DDAH1: variants seen among roughly 807,000 people sequenced by gnomAD.
DDAH1 encodes the protein dimethylarginine dimethylaminohydrolase 1, also known as N(G),N(G)-dimethylarginine dimethylaminohydrolase 1.
A neutral mutation model predicts 28.8 loss-of-function variants in DDAH1; 19 were observed. The observed-to-expected ratio is 0.66, with a 90% confidence interval of 0.46 to 0.97. The LOEUF (loss-of-function observed/expected upper bound fraction) is 0.97. Ranked by LOEUF, DDAH1 falls within the 50% of genes least tolerant of loss-of-function variation. DDAH1 has a pLI of 0.00. For synonymous variants in DDAH1, 153 were observed against 154.4 expected (o/e 0.99, Z 0.07); for missense variants, 326 against 375.9 (o/e 0.87, Z 1.10).
At chr1:85,451,204 G>C (rs1249520768) in intron 1 of DDAH1, among the ~76,000 whole-genome samples, 1 of 152,218 alleles carries the variant, frequency 6.6e-6, no homozygotes, top group Non-Finnish European at 1.5e-5. Flanking sequence ...CAGAATCTCA[G>C]TCTGGGCAGG....
At chr1:85,564,861 C>CA (rs201212308) in intron 1 of DDAH1, among the ~76,000 whole-genome samples, 17,989 of 127,680 alleles carry the variant, frequency 0.14, 1,322 homozygotes, top group East Asian at 0.32. Flanking sequence ...AAGACTATGT[C>CA]AAAAAAAAAA....
chr1:85,483,371 C>G (rs1212351094), intron 2 of DDAH1, among the ~76,000 whole-genome samples: 1 of 152,136 alleles, frequency 6.6e-6, no homozygotes, highest in Non-Finnish European at 1.5e-5. Flanking sequence ...CTACCCTAAA[C>G]TTCTGCCCTC....
At chr1:85,356,716 A>G (rs997498451) in intron 2 of DDAH1, among the ~76,000 whole-genome samples, 1 of 152,210 alleles carries the variant, frequency 6.6e-6, no homozygotes, top group African/African-American at 2.4e-5. Flanking sequence ...AGTATTGAAT[A>G]TAACAAATAA....
intron 1 of DDAH1, among the ~76,000 whole-genome samples, chr1:85,542,217 T>A (rs1027773293): frequency 1.3e-5 from 2 of 152,190 alleles, no homozygotes; most frequent in Non-Finnish European, 1.5e-5. Context: ...GGAATGCCTA[T>A]AAGAAGCTGG....
chr1:85,522,633 C>G (rs1257005930), intron 1 of DDAH1, among the ~76,000 whole-genome samples: 2 of 151,838 alleles, frequency 1.3e-5, no homozygotes, highest in African/African-American at 4.9e-5. Flanking sequence ...CATTTTTTTT[C>G]CAGCCACACA....
At chr1:85,382,402 G>A (rs1651039953) in intron 1 of DDAH1, among the ~76,000 whole-genome samples, 1 of 152,150 alleles carries the variant, frequency 6.6e-6, no homozygotes, top group Non-Finnish European at 1.5e-5. Context: ...TTTAAAGGTA[G>A]CAGAGGCTGG....
chr1:85,491,994 C>A (rs924746855), intron 2 of DDAH1, among the ~76,000 whole-genome samples: 3 of 152,174 alleles, frequency 2.0e-5, no homozygotes, highest in Non-Finnish European at 4.4e-5. Flanking sequence ...ATTTCAGGTG[C>A]TGGTCTAACA....
intron 1 of DDAH1, among the ~76,000 whole-genome samples, chr1:85,539,950 A>G (rs560340190): frequency 8.4e-4 from 127 of 151,876 alleles, no homozygotes; most frequent in Admixed American, 1.3e-3. Context: ...TTCTCCAAAA[A>G]GCTTATAAAG....
chr1:85,464,890 G>A lies in DDAH1; in HGVS notation c.156C>T (p.Gly52=). The A allele has an allele frequency of 6.3e-7, 1 of 1,576,538 alleles. No homozygotes were observed. Among genetic ancestry groups the A allele is most frequent in the East Asian group, 2.4e-5 (1 of 41,942 alleles). ...RAERQHQLYV[G]VLGSKLGLQV... The stretch of plus-strand genomic sequence containing the variant: ...GCAGCCCCAGCTTGCTGCCCAGCAC[G>A]CCCACGTAGAGCTGGTGCTGCCGTT... The change falls in exon 1 of 6, where the codon GGC becomes GGT. Residue 52 remains glycine (G), a synonymous_variant. Transcript: ENST00000284031. This position sits in a 1 kb window ranked among gnomAD's most constrained non-coding sequence, Gnocchi z 4.4.
intron 1 of DDAH1, among the ~76,000 whole-genome samples, chr1:85,511,611 A>G (rs1238198070): frequency 6.6e-6 from 1 of 152,210 alleles, no homozygotes; most frequent in Non-Finnish European, 1.5e-5. Flanking sequence ...AGCAAGACTA[A>G]TAAAGAAGAA....
chr1:85,324,713 C>T (rs769652944), intron 5 of DDAH1, 27 bp downstream of exon 5: 1 of 1,612,712 alleles, frequency 6.2e-7, no homozygotes, highest in South Asian at 1.1e-5. Flanking sequence ...GACCCAGCTG[C>T]AGTGGTCAGA....
At chr1:85,481,104 T>C (rs796846005) in intron 2 of DDAH1, among the ~76,000 whole-genome samples, 3 of 132,484 alleles carry the variant, frequency 2.3e-5, no homozygotes, top group African/African-American at 1.0e-4. Flanking sequence ...TTTTGTTTTT[T>C]TTTTTTTTTT....
chr1:85,381,158 T>C (rs1322524698), intron 1 of DDAH1, among the ~76,000 whole-genome samples: 1 of 148,692 alleles, frequency 6.7e-6, no homozygotes, highest in East Asian at 2.0e-4. Context: ...TGCTTGAACC[T>C]GGGAGGTGGA....
intron 4 of DDAH1, among the ~76,000 whole-genome samples, chr1:85,343,382 T>C (rs233074): frequency 0.3 from 45,314 of 152,156 alleles, 7,396 homozygotes; most frequent in South Asian, 0.4. Context: ...CTGGGAATAT[T>C]GTCAGATGAG....
chr1:85,348,109 C>G (rs555824366), intron 4 of DDAH1, among the ~76,000 whole-genome samples: 1 of 152,224 alleles, frequency 6.6e-6, no homozygotes, highest in Non-Finnish European at 1.5e-5. Flanking sequence ...TAGGTTCTGA[C>G]AAGTAGAAAA....
rs1268467440 is a variant in DDAH1, at chr1:85,320,693, C to T, written c.*759G>A. On this transcript the variant is annotated 3_prime_UTR_variant, in exon 6 of 6. Transcript: ENST00000284031. ...TGGATTTACCTTCCTAGGTGTGGTG[C>T]CCTCCTTCTGGAATTTAGATCTCTG... The T allele has an allele frequency of 6.6e-6, 1 of 152,204 alleles. No individual in the cohort carries two copies. Among genetic ancestry groups the T allele is most frequent in the Non-Finnish European group, 1.5e-5 (1 of 68,088 alleles). 9.4% of individuals were successfully genotyped at this position (152,204 alleles called of 1,614,324 possible). A position where few individuals can be genotyped will look rare whatever the true frequency, so the allele number is the denominator to read the frequency against.
intron 4 of DDAH1, among the ~76,000 whole-genome samples, chr1:85,329,634 C>A (rs1055374650): frequency 6.6e-6 from 1 of 152,074 alleles, no homozygotes; most frequent in Non-Finnish European, 1.5e-5. Context: ...TGAAGTAATT[C>A]ATTGATAAAT....
At chr1:85,347,516 G>A (rs233079) in intron 4 of DDAH1, among the ~76,000 whole-genome samples, 52,688 of 151,650 alleles carry the variant, frequency 0.35, 9,248 homozygotes, top group South Asian at 0.4. Context: ...TATCACAAGA[G>A]CAAAAAACCA....
At chr1:85,512,949 C>T (rs1000868299) in intron 1 of DDAH1, among the ~76,000 whole-genome samples, 1 of 152,120 alleles carries the variant, frequency 6.6e-6, no homozygotes, top group African/African-American at 2.4e-5. Flanking sequence ...AGATTCAATG[C>T]CATCCCCATC....
Sources: gnomAD v4.1 joint callset for allele counts (sites outside exome capture counted in the v4.1 genomes callset) on GRCh38, gnomAD v4.1.1 for gene constraint, Gnocchi (gnomAD v3.1) non-coding constraint, MANE v1.5 for transcripts, NCBI Gene and HGNC (gene_info 2026-07-23, HGNC 2026-07-21) for gene names.